FAM13A: variants seen among roughly 807,000 people sequenced by gnomAD.
The protein encoded by FAM13A is protein FAM13A.
In FAM13A, 76 loss-of-function variants were observed where a neutral mutation model predicts 129.6. That is an observed-to-expected ratio of 0.59 (90% CI 0.49 to 0.71). The LOEUF (loss-of-function observed/expected upper bound fraction) is 0.71. Among genes scored for constraint, FAM13A ranks in the 30% least tolerant of loss-of-function variants. The pLI, the probability that FAM13A is intolerant of heterozygous loss-of-function variation, is 0.00. For synonymous variants in FAM13A, 443 were observed against 449.9 expected (o/e 0.98, Z 0.20); for missense variants, 1,108 against 1,249.3 (o/e 0.89, Z 1.70).
intron 14 of FAM13A, among the ~76,000 whole-genome samples, chr4:88,753,259 T>A (rs1025552856): frequency 3.0e-4 from 46 of 152,232 alleles, no homozygotes; most frequent in African/African-American, 1.1e-3. Flanking sequence ...TAGAAAATGC[T>A]AATCATGGAA....
intron 1 of FAM13A, among the ~76,000 whole-genome samples, chr4:89,033,412 C>T (rs1768965925): frequency 6.6e-6 from 1 of 152,052 alleles, no homozygotes; most frequent in Admixed American, 6.6e-5. Context: ...TAAAGTGCTC[C>T]AGTTCGCATA....
intron 4 of FAM13A, among the ~76,000 whole-genome samples, chr4:88,977,345 C>T (rs374236650): frequency 2.0e-5 from 3 of 152,036 alleles, no homozygotes; most frequent in South Asian, 4.1e-4. Context: ...AGAGATGAAG[C>T]CATAGAAAGT....
In FAM13A at chr4:88,981,651, G is replaced by A. The variant is rs145145490; in HGVS notation, c.605+9322C>T. The stretch of plus-strand genomic sequence containing the variant: ...TATTATTTTGACAGCAGGGATACCA[G>A]GCAGGGTGGGTGAGAAAAGGAGGCA... On this transcript the variant is annotated intron_variant, in intron 4 of 23. Coordinates refer to ENST00000264344, the MANE Select transcript of FAM13A (RefSeq NM_014883.4). 4.9e-4 allele frequency among the ~76,000 whole-genome samples: 75 copies of A among 152,304 alleles called. 1 individual carries two copies. The South Asian group carries it at 0.012, about 25-fold the overall frequency.
chr4:88,859,633 G>C (rs571104706), intron 6 of FAM13A, among the ~76,000 whole-genome samples: 2 of 152,192 alleles, frequency 1.3e-5, no homozygotes, highest in Admixed American at 6.5e-5. Context: ...AGGGCTTGAG[G>C]GGAAGGAGCA....
intron 6 of FAM13A, among the ~76,000 whole-genome samples, chr4:88,875,500 C>G (rs1187704548): frequency 2.0e-5 from 3 of 152,148 alleles, no homozygotes; most frequent in Non-Finnish European, 2.9e-5. Flanking sequence ...AGACACTTCT[C>G]AAAAGAAGAG....
chr4:88,940,526 T>A (rs1010895389), intron 4 of FAM13A, among the ~76,000 whole-genome samples: 3 of 152,214 alleles, frequency 2.0e-5, no homozygotes, highest in South Asian at 2.1e-4. Context: ...TATACAAAAA[T>A]GAAAGGGGAC....
Position 89,049,516 on chromosome 4 carries a change from A to G in FAM13A, c.27+7422T>C, listed in dbSNP as rs375374265. Among the ~76,000 whole-genome samples the G allele has an allele frequency of 1.8e-4, 28 of 152,378 alleles. No homozygotes were observed. In the South Asian group the frequency reaches 4.8e-3, roughly 26 times the overall value. ...AAAGAAATATTTGGAATTTAACCAC[A>G]AAAGTAAATTAATTGCTTATTATAA... On this transcript the variant is annotated intron_variant, in intron 1 of 23. Coordinates refer to ENST00000264344, the MANE Select transcript of FAM13A (RefSeq NM_014883.4).
At chr4:89,045,620 A>G (rs1395256233) in intron 1 of FAM13A, among the ~76,000 whole-genome samples, 4 of 152,232 alleles carry the variant, frequency 2.6e-5, no homozygotes, top group African/African-American at 9.6e-5. Context: ...AGCCAAGCAA[A>G]AATCATGCAC....
At chr4:88,947,942 T>C (rs983716452) in intron 4 of FAM13A, among the ~76,000 whole-genome samples, 1 of 152,054 alleles carries the variant, frequency 6.6e-6, no homozygotes, top group African/African-American at 2.4e-5. Context: ...TACATACAGA[T>C]ATACACTATA....
At chr4:88,850,588 G>A (rs1737402244) in intron 7 of FAM13A, among the ~76,000 whole-genome samples, 1 of 152,056 alleles carries the variant, frequency 6.6e-6, no homozygotes, top group East Asian at 1.9e-4. Flanking sequence ...TTTTCTTCGA[G>A]TATACCAGAG....
intron 10 of FAM13A, among the ~76,000 whole-genome samples, chr4:88,786,971 A>C (rs1560991076): frequency 6.6e-6 from 1 of 152,104 alleles, no homozygotes. Context: ...AGTCATTATT[A>C]AACCATAAAG....
chr4:88,865,003 C>T (rs893220665), intron 6 of FAM13A, among the ~76,000 whole-genome samples: 1 of 152,098 alleles, frequency 6.6e-6, no homozygotes. Flanking sequence ...TTTTCACCTA[C>T]AGCCACTCCA....
intron 4 of FAM13A, among the ~76,000 whole-genome samples, chr4:88,973,648 T>A (rs1309213583): frequency 6.6e-6 from 1 of 152,228 alleles, no homozygotes; most frequent in Non-Finnish European, 1.5e-5. Context: ...CTGATTTTGA[T>A]GCTTGCTCTG....
intron 6 of FAM13A, among the ~76,000 whole-genome samples, chr4:88,873,518 G>C (rs185401379): frequency 0.014 from 2,121 of 152,144 alleles, 61 homozygotes; most frequent in African/African-American, 0.048. Context: ...AATACCTCTA[G>C]GCAAATAAAC....
At chr4:88,806,428 C>A (rs932314627) in intron 7 of FAM13A, among the ~76,000 whole-genome samples, 82 of 152,200 alleles carry the variant, frequency 5.4e-4, no homozygotes, top group African/African-American at 1.9e-3. Context: ...TCTGCTTCGA[C>A]TGATAGTATT....
chr4:88,974,205 C>T (rs1254772168), intron 4 of FAM13A, among the ~76,000 whole-genome samples: 6 of 152,096 alleles, frequency 3.9e-5, no homozygotes, highest in African/African-American at 9.7e-5. Flanking sequence ...ACTTATCCAC[C>T]GGGAGCTTCC....
At chr4:89,016,381 G>C (rs1169616870) in intron 3 of FAM13A, among the ~76,000 whole-genome samples, 1 of 152,134 alleles carries the variant, frequency 6.6e-6, no homozygotes, top group Non-Finnish European at 1.5e-5. Context: ...AAAAGTTACA[G>C]TAAGCTAAGG....
At chr4:88,766,550 GT>G (rs1422301958) in intron 13 of FAM13A, among the ~76,000 whole-genome samples, 2 of 152,162 alleles carry the variant, frequency 1.3e-5, no homozygotes, top group Non-Finnish European at 2.9e-5. Context: ...GTGGGGATTA[GT>G]TTCTAGGAAT....
intron 7 of FAM13A, among the ~76,000 whole-genome samples, chr4:88,837,166 G>T (rs1734956580): frequency 6.7e-6 from 1 of 149,776 alleles, no homozygotes; most frequent in Non-Finnish European, 1.5e-5. Flanking sequence ...GGCTAATTTT[G>T]TATTTTTAGT....
Sources: allele counts gnomAD v4.1 joint callset (sites outside exome capture counted in the v4.1 genomes callset), GRCh38; gene constraint gnomAD v4.1.1; transcripts MANE v1.5; gene names NCBI Gene and HGNC (gene_info 2026-07-23, HGNC 2026-07-21).